RBFOX2: variants seen among roughly 807,000 people sequenced by gnomAD.
The protein encoded by RBFOX2 is RNA binding protein fox-1 homolog 2.
In RBFOX2, 10 loss-of-function variants were observed where a neutral mutation model predicts 49.1. The observed-to-expected ratio is 0.20, with a 90% confidence interval of 0.13 to 0.35. The LOEUF (loss-of-function observed/expected upper bound fraction) is 0.35. RBFOX2 is among the 10% of genes least tolerant of loss of function. The probability of loss-of-function intolerance (pLI) is 1.00; values close to 1 mark genes in which losing one functional copy is unlikely to be tolerated. For missense variants in RBFOX2, 323 were observed against 486.9 expected (o/e 0.66, Z 3.17); for synonymous variants, 183 against 187.4 (o/e 0.98, Z 0.19).
chr22:35,989,401 T>C (rs536889396), intron 1 of RBFOX2, among the ~76,000 whole-genome samples: 1 of 152,234 alleles, frequency 6.6e-6, no homozygotes, highest in African/African-American at 2.4e-5. Flanking sequence ...AAGAGCGGCA[T>C]TCCAAGGACA....
At chr22:35,909,135 C>T (rs2049472706) in intron 1 of RBFOX2, among the ~76,000 whole-genome samples, 1 of 152,192 alleles carries the variant, frequency 6.6e-6, no homozygotes, top group Admixed American at 6.5e-5. Context: ...AGCCACTGCG[C>T]CCAGCACATC....
chr22:35,765,500 G>GA lies in RBFOX2; in HGVS notation c.547-18dup. On this transcript the variant is annotated splice_polypyrimidine_tract_variant and intron_variant, in intron 5 of 11. Transcript: ENST00000405409. Reference sequence around the variant, plus strand: ...ATTATTCACCTAAAAATAACAAGGAGAAAAAAGGGCAGGGAAGAAGTGGAC... The same window carrying GA: ...ATTATTCACCTAAAAATAACAAGGAGAAAAAAAGGGCAGGGAAGAAGTGGAC... The GA allele has an allele frequency of 2.0e-6, 3 of 1,492,248 alleles. No homozygotes were observed. Among genetic ancestry groups the GA allele is most frequent in the South Asian group, 1.2e-5 (1 of 83,172 alleles). The allele number at this position is 1,492,248 out of a possible 1,614,324, so 92.4% of individuals were successfully genotyped here. A position where few individuals can be genotyped will look rare whatever the true frequency, so the allele number is the denominator to read the frequency against.
intron 1 of RBFOX2, among the ~76,000 whole-genome samples, chr22:35,956,913 G>C (rs1255681828): frequency 6.6e-6 from 1 of 152,178 alleles, no homozygotes; most frequent in South Asian, 2.1e-4. Flanking sequence ...TACTTCAGCA[G>C]GAACACTGAA....
At chr22:35,820,834 G>C (rs911723914) in intron 1 of RBFOX2, among the ~76,000 whole-genome samples, 3 of 152,180 alleles carry the variant, frequency 2.0e-5, no homozygotes, top group Non-Finnish European at 2.9e-5. Context: ...ATATGAGGTA[G>C]GGAAGACAAG....
At chr22:35,974,388 T>C (rs2057037258) in intron 1 of RBFOX2, among the ~76,000 whole-genome samples, 1 of 152,158 alleles carries the variant, frequency 6.6e-6, no homozygotes, top group Non-Finnish European at 1.5e-5. Flanking sequence ...CTGGGTGTAA[T>C]TAAAAAACAG....
chr22:35,902,367 C>T (rs1241754028), intron 1 of RBFOX2, among the ~76,000 whole-genome samples: 1 of 152,186 alleles, frequency 6.6e-6, no homozygotes, highest in Non-Finnish European at 1.5e-5. Context: ...TGCCACCTGA[C>T]ACAACTCCAA....
chr22:35,884,886 G>A (rs535729524), intron 1 of RBFOX2, among the ~76,000 whole-genome samples: 6 of 152,240 alleles, frequency 3.9e-5, no homozygotes, highest in East Asian at 1.9e-4. Context: ...CTTCCCCGTT[G>A]TAAGATGAAA....
chr22:36,026,490 G>C lies in RBFOX2; in HGVS notation c.186+1750C>G, dbSNP rs181799920. On this transcript the variant is annotated intron_variant, in intron 1 of 13. Transcript: ENST00000438146. ...GCCCCAGGAGTAAATGAGGGAAAGGGACGGGGGTCTCACTATTAACTAGGA... is the reference window on the plus strand; with the variant it reads ...GCCCCAGGAGTAAATGAGGGAAAGGCACGGGGGTCTCACTATTAACTAGGA... 2.5e-3 allele frequency among the ~76,000 whole-genome samples: 377 copies of C among 151,920 alleles called. 5 individuals carry two copies. In the South Asian group the frequency reaches 0.027, roughly 11 times the overall value.
At position 35,922,032 on chromosome 22, in the gene RBFOX2, GTAGGCAA is replaced by G. The variant is rs1316653042; in HGVS notation, c.-34+16808_-34+16814del. ...TTAGAAAATTTTCCTAAGCCCATATGTAGGCAAGACAGACCTTTCCTTCCTCCAGCTT... is the reference window on the plus strand; with the variant it reads ...TTAGAAAATTTTCCTAAGCCCATATGGACAGACCTTTCCTTCCTCCAGCTT... On this transcript the variant is annotated intron_variant, in intron 1 of 13. Transcript: ENST00000359369. Among the ~76,000 whole-genome samples the G allele has an allele frequency of 3.3e-5, 5 of 152,146 alleles. No individual in the cohort carries two copies. In the South Asian group the frequency reaches 1.0e-3, roughly 32 times the overall value.
chr22:35,767,010 G>T (rs779724935), intron 5 of RBFOX2, among the ~76,000 whole-genome samples: 1 of 152,142 alleles, frequency 6.6e-6, no homozygotes, highest in South Asian at 2.1e-4. Flanking sequence ...AGCTACAAAC[G>T]GGGGTTTGGG....
intron 2 of RBFOX2, among the ~76,000 whole-genome samples, chr22:35,808,101 CA>C (rs1951106060): frequency 6.6e-6 from 1 of 152,076 alleles, no homozygotes; most frequent in Admixed American, 6.5e-5. Context: ...GGAAAATCCT[CA>C]CATATATTTT....
chr22:35,977,761 T>TATATACAC (rs1259422253), intron 1 of RBFOX2, among the ~76,000 whole-genome samples: 22 of 90,932 alleles, frequency 2.4e-4, no homozygotes, highest in African/African-American at 7.7e-4. Flanking sequence ...TATATATATA[T>TATATACAC]ACATGCACAC....
chr22:35,801,991 T>C (rs565005484), intron 2 of RBFOX2, among the ~76,000 whole-genome samples: 118 of 152,338 alleles, frequency 7.7e-4, no homozygotes, highest in Non-Finnish European at 1.2e-3. Context: ...TTTCTCTTCA[T>C]CTATTTTTGG....
intron 1 of RBFOX2, among the ~76,000 whole-genome samples, chr22:35,835,911 T>C (rs936983232): frequency 1.7e-4 from 26 of 152,158 alleles, no homozygotes; most frequent in Non-Finnish European, 1.0e-4. Flanking sequence ...TGTAGAAGAA[T>C]TCAGAAAGAA....
At position 36,027,072 on chromosome 22, in the gene RBFOX2, G is replaced by C. The variant is rs2413373; in HGVS notation, c.186+1168C>G. 6.5e-5 allele frequency among the ~76,000 whole-genome samples: 7 copies of C among 108,022 alleles called. No individual in the cohort carries two copies. In the African/African-American group the frequency reaches 9.4e-4, roughly 14 times the overall value. The allele number at this position is 108,022 out of a possible 152,430, so 70.9% of individuals were successfully genotyped here. A position where few individuals can be genotyped will look rare whatever the true frequency, so the allele number is the denominator to read the frequency against. ...CTTACCCAAGTCACCATCTTCTCTG[G>C]ACTTCTGATTCCCCATCTATAAAAT... On this transcript the variant is annotated intron_variant, in intron 1 of 13. Transcript: ENST00000438146.
At chr22:35,896,209 TCTC>T (rs1284666289) in intron 1 of RBFOX2, among the ~76,000 whole-genome samples, 1 of 152,114 alleles carries the variant, frequency 6.6e-6, no homozygotes, top group Non-Finnish European at 1.5e-5. Flanking sequence ...GCAAACCACT[TCTC>T]CTCTGCACAT....
chr22:35,818,253 C>G (rs977466458), intron 1 of RBFOX2, among the ~76,000 whole-genome samples: 46 of 152,268 alleles, frequency 3.0e-4, no homozygotes, highest in African/African-American at 1.1e-3. Context: ...CTGGCAACAA[C>G]AGACAGCAAG....
intron 1 of RBFOX2, among the ~76,000 whole-genome samples, chr22:35,859,367 A>G (rs1253249430): frequency 6.6e-6 from 1 of 152,262 alleles, no homozygotes; most frequent in Non-Finnish European, 1.5e-5. Context: ...CCATACCTAC[A>G]GAAAGGCAGG....
intron 1 of RBFOX2, among the ~76,000 whole-genome samples, chr22:35,831,314 G>A (rs1027842722): frequency 2.6e-5 from 4 of 151,996 alleles, no homozygotes; most frequent in African/African-American, 4.8e-5. Flanking sequence ...ATGGTGGCAG[G>A]CACCTGCCCT....
Sources: gnomAD v4.1 joint callset for allele counts (sites outside exome capture counted in the v4.1 genomes callset) on GRCh38, gnomAD v4.1.1 for gene constraint, MANE v1.5 for transcripts, NCBI Gene and HGNC (gene_info 2026-07-23, HGNC 2026-07-21) for gene names.